ZFC3H1: variants seen among roughly 807,000 people sequenced by gnomAD.
ZFC3H1 encodes the protein zinc finger C3H1-type containing, also known as zinc finger C3H1 domain-containing protein.
In ZFC3H1, 71 loss-of-function variants were observed where a neutral mutation model predicts 243.7. That is an observed-to-expected ratio of 0.29 (90% CI 0.24 to 0.36). The LOEUF is 0.36. ZFC3H1 is among the 10% of genes least tolerant of loss of function. The probability of loss-of-function intolerance (pLI) is 1.00; values close to 1 mark genes in which losing one functional copy is unlikely to be tolerated. For synonymous variants in ZFC3H1, 838 were observed against 813.0 expected (o/e 1.03, Z -0.52); for missense variants, 1,966 against 2,317.1 (o/e 0.85, Z 3.11).
In ZFC3H1 at chr12:71,643,135, G is replaced by A. The variant is rs1237117416; in HGVS notation, c.1504-576C>T. ...TCGAGAAGGAGGTAAAGAATAATGT[G>A]CAAATAATACCATATTTATCTCTAG... On this transcript the variant is annotated intron_variant, in intron 5 of 34. Transcript: ENST00000378743. 2.0e-5 allele frequency among the ~76,000 whole-genome samples: 3 copies of A among 152,050 alleles called. No individual in the cohort carries two copies. The South Asian group carries it at 6.2e-4, about 31-fold the overall frequency.
intron 1 of ZFC3H1, among the ~76,000 whole-genome samples, chr12:71,662,555 A>G (rs922423721): frequency 6.7e-6 from 1 of 150,246 alleles, no homozygotes; most frequent in African/African-American, 2.4e-5. Flanking sequence ...ACAGAATCAC[A>G]AAAATAGTGC....
intron 24 of ZFC3H1, 131 bp downstream of exon 24, chr12:71,623,229 A>C: frequency 1.3e-6 from 1 of 781,458 alleles, no homozygotes; most frequent in Middle Eastern, 3.9e-4. Context: ...TAAATTGTGA[A>C]ACTAAAACTT....
intron 18 of ZFC3H1, among the ~76,000 whole-genome samples, chr12:71,629,942 T>C (rs1880279588): frequency 3.3e-5 from 5 of 151,614 alleles, no homozygotes. Flanking sequence ...GTTCCTAAAA[T>C]GAACTAAGTA....
At chr12:71,640,053 C>T (rs1470922825) in intron 6 of ZFC3H1, among the ~76,000 whole-genome samples, 1 of 152,098 alleles carries the variant, frequency 6.6e-6, no homozygotes, top group Non-Finnish European at 1.5e-5. Flanking sequence ...GACAGAGTGT[C>T]GCTCAGTGCC....
At chr12:71,638,718 TTAAAC>T (rs1353629877) in intron 6 of ZFC3H1, among the ~76,000 whole-genome samples, 1 of 152,196 alleles carries the variant, frequency 6.6e-6, no homozygotes, top group Non-Finnish European at 1.5e-5. Context: ...GCCATTCACT[TTAAAC>T]TAATAATTAG....
chr12:71,619,348 C>A lies in ZFC3H1; in HGVS notation c.5111G>T (p.Gly1704Val), dbSNP rs779111816. Residue 1704 changes from glycine (G) to valine (V), a missense_variant, in exon 27 of 35, where the codon GGG becomes GTG. Physicochemically the swap from Gly to Val is moderately radical, Grantham distance 109 (BLOSUM62 -3). Around this residue, in one of 4 missense-constraint regions of ZFC3H1, gnomAD observed 1,383 missense variants for 1,723.7 expected, o/e 0.80. Coordinates refer to ENST00000378743, the MANE Select transcript of ZFC3H1 (RefSeq NM_144982.5). Reference protein sequence around the residue: ...RKFIASFFKPGFEKYNNLDLF... With the variant: ...RKFIASFFKPVFEKYNNLDLF... ...ATCCAAGTTATTATACTTCTCAAAC[C>A]CCGGTTTAAAGAAGGATGCAATAAA... 1.9e-6 allele frequency: 3 copies of A among 1,613,480 alleles called. No individual in the cohort carries two copies. In the South Asian group the frequency reaches 3.3e-5, roughly 18 times the overall value.
chr12:71,637,739 CAT>C (rs953375156), intron 7 of ZFC3H1, among the ~76,000 whole-genome samples: 1 of 152,078 alleles, frequency 6.6e-6, no homozygotes, highest in African/African-American at 2.4e-5. Context: ...TTCCCCTCAC[CAT>C]ATATGTTCTA....
intron 20 of ZFC3H1, 128 bp downstream of exon 20, chr12:71,628,790 G>C: frequency 1.1e-6 from 1 of 878,124 alleles, no homozygotes; most frequent in Non-Finnish European, 1.6e-6. Flanking sequence ...AAACCCAATG[G>C]CATCGTTTTT....
chr12:71,649,542 G>C (rs1049686192), intron 2 of ZFC3H1, among the ~76,000 whole-genome samples: 3 of 151,802 alleles, frequency 2.0e-5, no homozygotes, highest in Non-Finnish European at 4.4e-5. Context: ...CAAAGTTTTT[G>C]AGTGTTGTTC....
chr12:71,640,724 T>A (rs898103104), intron 6 of ZFC3H1, among the ~76,000 whole-genome samples: 1 of 152,204 alleles, frequency 6.6e-6, no homozygotes, highest in African/African-American at 2.4e-5. Flanking sequence ...GACCACCCCA[T>A]CATTTTAGTA....
chr12:71,628,758 G>A (rs561885408), intron 20 of ZFC3H1, among the ~76,000 whole-genome samples, 160 bp downstream of exon 20: 2 of 152,284 alleles, frequency 1.3e-5, no homozygotes, highest in East Asian at 3.9e-4. Context: ...ATCCTGCACA[G>A]TGAATTAACT....
At position 71,644,254 on chromosome 12, in the gene ZFC3H1, C is replaced by T; in HGVS notation, c.1344G>A (p.Gln448=). ...GCTGATCCTCTTCTTTCTGTCTTTC[C>T]TGCTCTTTTTGTTGTTGTAGTTTCT... ...AWKKLQQQKE[Q]ERQKEEDQRK... is the part of the protein sequence containing the mutation. Residue 448 remains glutamine (Q), a synonymous_variant, in exon 5 of 35, where the codon CAG becomes CAA. Coordinates refer to ENST00000378743, the MANE Select transcript of ZFC3H1 (RefSeq NM_144982.5). The T allele has an allele frequency of 6.2e-7, 1 of 1,612,772 alleles. No individual in the cohort carries two copies. The highest frequency in any genetic ancestry group is 1.1e-5 in the South Asian group (1 of 90,980).
At chr12:71,643,432 A>C (rs1226109575) in intron 5 of ZFC3H1, among the ~76,000 whole-genome samples, 1 of 152,082 alleles carries the variant, frequency 6.6e-6, no homozygotes, top group Non-Finnish European at 1.5e-5. Flanking sequence ...AAAAATTTCA[A>C]AGTATAAATA....
intron 6 of ZFC3H1, among the ~76,000 whole-genome samples, chr12:71,640,589 C>A (rs776516712): frequency 3.9e-5 from 6 of 152,316 alleles, no homozygotes; most frequent in African/African-American, 4.8e-5. Context: ...CAAGGCCATG[C>A]AACTGCAGTT....
chr12:71,648,323 A>G (rs1238593047), intron 2 of ZFC3H1, among the ~76,000 whole-genome samples: 2 of 152,234 alleles, frequency 1.3e-5, no homozygotes, highest in East Asian at 1.9e-4. Flanking sequence ...GTCCATCCAT[A>G]CATTTTTTCC....
chr12:71,610,669 A>G lies in ZFC3H1; in HGVS notation c.5832+26T>C, dbSNP rs779019770. On this transcript the variant is annotated intron_variant, in intron 34 of 34. Transcript: ENST00000378743. ...AGAAAATTTACAGGAAAACATCGAG[A>G]TAAAATAAAAGATAAAAAGCATTAC... is the stretch of plus-strand genomic sequence containing the variant. 4 of 1,612,716 alleles carry G rather than the reference A, an allele frequency of 2.5e-6. No homozygotes were observed. The East Asian group carries it at 8.9e-5, about 36-fold the overall frequency.
rs1880345545 is a variant in ZFC3H1 at position 71,632,404 on chromosome 12, A to G, written c.2928T>C (p.Tyr976=). Residue 976 remains tyrosine, a synonymous_variant, in exon 15 of 35, where the codon TAT becomes TAC. Coordinates refer to ENST00000378743, the MANE Select transcript of ZFC3H1 (RefSeq NM_144982.5). Reference sequence around the variant, plus strand: ...CTTTTAATTTTTGAATTTTCAGGGCATATTCATATTCTAGCTTTTGTAACC... The same window carrying G: ...CTTTTAATTTTTGAATTTTCAGGGCGTATTCATATTCTAGCTTTTGTAACC... ...KRRLQKLEYE[Y]ALKIQKLKEA... is the part of the protein sequence containing the mutation. The G allele has an allele frequency of 6.2e-7, 1 of 1,612,544 alleles. No individual in the cohort carries two copies. The highest frequency in any genetic ancestry group is 8.5e-7 in the Non-Finnish European group (1 of 1,179,810).
At chr12:71,649,662 T>A (rs1281875476) in intron 2 of ZFC3H1, among the ~76,000 whole-genome samples, 1 of 152,150 alleles carries the variant, frequency 6.6e-6, no homozygotes, top group Non-Finnish European at 1.5e-5. Flanking sequence ...ATCACGCTTT[T>A]AAAAACAACA....
At chr12:71,632,624 A>T in intron 14 of ZFC3H1, 110 bp from the exon 15 acceptor site, 1 of 1,340,582 alleles carries the variant, frequency 7.5e-7, no homozygotes, top group Non-Finnish European at 9.9e-7. Flanking sequence ...TATAAAACTA[A>T]ATCAATATGG....
Sources: allele counts gnomAD v4.1 joint callset (sites outside exome capture counted in the v4.1 genomes callset), GRCh38; gene constraint gnomAD v4.1.1; regional missense constraint gnomAD v4.1.1; transcripts MANE v1.5; gene names NCBI Gene and HGNC (gene_info 2026-07-23, HGNC 2026-07-21).